The following XYLB variants were observed in gnomAD, a reference collection of about 807,000 sequenced individuals.
XYLB encodes xylulokinase.
A neutral mutation model predicts 78.7 loss-of-function variants in XYLB; 62 were observed. The ratio of observed to expected loss-of-function variants is 0.79; its 90% confidence interval spans 0.64 to 0.97. The LOEUF is 0.97. XYLB is among the 50% of genes least tolerant of loss of function. The pLI, the probability that XYLB is intolerant of heterozygous loss-of-function variation, is 0.00. For synonymous variants in XYLB, 245 were observed against 247.4 expected (o/e 0.99, Z 0.09); for missense variants, 687 against 676.8 (o/e 1.02, Z -0.17).
chr3:38,405,144 T>C (rs1708260660), intron 18 of XYLB, among the ~76,000 whole-genome samples: 1 of 152,224 alleles, frequency 6.6e-6, no homozygotes, highest in Non-Finnish European at 1.5e-5. Flanking sequence ...GCACATTGTA[T>C]ATATAATTTT....
At chr3:38,410,256 C>T (rs1708516369) in intron 18 of XYLB, among the ~76,000 whole-genome samples, 1 of 152,160 alleles carries the variant, frequency 6.6e-6, no homozygotes, top group African/African-American at 2.4e-5. Context: ...TGATCTTTGA[C>T]AAACCTGAGA....
chr3:38,366,739 C>T (rs960227677), intron 6 of XYLB, 69 bp from the exon 7 acceptor site: 124 of 1,115,620 alleles, frequency 1.1e-4, no homozygotes, highest in Non-Finnish European at 1.7e-4. Flanking sequence ...ACATTAAACT[C>T]ACTTTGTGGA....
At chr3:38,347,152 G>C (rs1402873864) in intron 1 of XYLB, among the ~76,000 whole-genome samples, 1 of 152,158 alleles carries the variant, frequency 6.6e-6, no homozygotes, top group African/African-American at 2.4e-5. Flanking sequence ...ATGCGGCCTC[G>C]ACCCCGCCTG....
chr3:38,352,733 C>T (rs111553657), intron 2 of XYLB, among the ~76,000 whole-genome samples: 4,832 of 152,040 alleles, frequency 0.032, 113 homozygotes, highest in African/African-American at 0.062. Context: ...CACTTGAGTC[C>T]AGAAGGTGGA....
intron 2 of XYLB, among the ~76,000 whole-genome samples, chr3:38,354,605 C>T (rs777401812): frequency 7.9e-5 from 12 of 151,774 alleles, no homozygotes; most frequent in African/African-American, 2.9e-4. Flanking sequence ...TGGGTTCAAG[C>T]AATTCTCCTG....
rs1482175019 is a variant in XYLB at position 38,414,819 on chromosome 3, A to G, written c.*1806A>G. On this transcript the variant is annotated 3_prime_UTR_variant, in exon 19 of 19. Coordinates refer to ENST00000207870, the MANE Select transcript of XYLB (RefSeq NM_005108.4). ...AAAGCAATATTAAAGGAAGAGCCAA[A>G]AAGACCCAGAAATAAAATGACAGAT... 1 of 152,208 alleles carries G rather than the reference A, an allele frequency of 6.6e-6. No homozygotes were observed. The highest frequency in any genetic ancestry group is 1.5e-5 in the Non-Finnish European group (1 of 68,050). 9.4% of individuals were successfully genotyped at this position (152,208 alleles called of 1,614,324 possible). A position where few individuals can be genotyped will look rare whatever the true frequency, so the allele number is the denominator to read the frequency against.
intron 15 of XYLB, 68 bp downstream of exon 15, chr3:38,379,410 G>A: frequency 6.8e-7 from 1 of 1,470,776 alleles, no homozygotes; most frequent in Non-Finnish European, 9.5e-7. Context: ...GCAGGGGCCA[G>A]GGCTAGTGGG....
chr3:38,426,219 T>C (rs573482889), downstream of XYLB, among the ~76,000 whole-genome samples: 1 of 152,318 alleles, frequency 6.6e-6, no homozygotes, highest in South Asian at 2.1e-4. Context: ...CCCAAACTAA[T>C]ATAGACCAGA....
At chr3:38,406,477 G>T (rs1020453591) in intron 18 of XYLB, among the ~76,000 whole-genome samples, 3 of 152,330 alleles carry the variant, frequency 2.0e-5, no homozygotes, top group Middle Eastern at 3.4e-3. Flanking sequence ...AAAGCAGAGC[G>T]CCTCTCCTCC....
rs984845940 is a variant in XYLB at position 38,403,730 on chromosome 3, G to A, written c.1533+2745G>A. Among the ~76,000 whole-genome samples the A allele has an allele frequency of 2.6e-5, 4 of 152,154 alleles. No individual in the cohort carries two copies. In the South Asian group the frequency reaches 6.2e-4, roughly 24 times the overall value. On this transcript the variant is annotated intron_variant, in intron 18 of 18. Coordinates refer to ENST00000207870, the MANE Select transcript of XYLB (RefSeq NM_005108.4). ...CTAGAAGGAGGCCAGCAAGGAGGAA[G>A]ATAACTGGGGAAAGTTTTAGGGCAG... is the stretch of plus-strand genomic sequence containing the variant.
At chr3:38,418,925 C>T (rs1043664637), downstream of XYLB, among the ~76,000 whole-genome samples, 2 of 152,088 alleles carry the variant, frequency 1.3e-5, no homozygotes, top group African/African-American at 4.8e-5. Context: ...TCATTGTGAA[C>T]ATATTAAGAT....
At chr3:38,374,620 A>T in intron 11 of XYLB, 118 bp downstream of exon 11, 2 of 1,305,334 alleles carry the variant, frequency 1.5e-6, no homozygotes, top group Non-Finnish European at 2.2e-6. Context: ...TCTGGGTCCC[A>T]GCAGGATCTC....
rs1708699643 is a variant in XYLB, at chr3:38,413,863, AGTT to A, written c.*853_*855del. On this transcript the variant is annotated 3_prime_UTR_variant, in exon 19 of 19. Coordinates refer to ENST00000207870, the MANE Select transcript of XYLB (RefSeq NM_005108.4). ...CTTCTTGCAGTCCACTTGCTGAAGA[AGTT>A]GTGTCATTTCTCTGGAAGAATTTCC... is the stretch of plus-strand genomic sequence containing the variant. 6.6e-6 allele frequency: 1 copy of A among 152,172 alleles called. No homozygotes were observed. The highest frequency in any genetic ancestry group is 6.5e-5 in the Admixed American group (1 of 15,282). 9.4% of individuals were successfully genotyped at this position (152,172 alleles called of 1,614,324 possible).
chr3:38,401,239 G>A (rs77974409), intron 18 of XYLB, among the ~76,000 whole-genome samples: 5,207 of 152,170 alleles, frequency 0.034, 130 homozygotes, highest in Non-Finnish European at 0.054. Flanking sequence ...GCCTCACGGT[G>A]GGCCCTTCCA....
chr3:38,419,578 T>TTC (rs1553666798), downstream of XYLB, among the ~76,000 whole-genome samples: 1 of 68,280 alleles, frequency 1.5e-5, no homozygotes, highest in African/African-American at 4.4e-5. Flanking sequence ...TTATTTTTCT[T>TTC]TATATATATA....
the XYLB span, among the ~76,000 whole-genome samples, chr3:38,437,005 AAATAATAATAATAAT>A: frequency 9.7e-4 from 131 of 134,794 alleles, no homozygotes; most frequent in Middle Eastern, 3.7e-3. Context: ...CTCCTTCTAA[AAATAATAATAATAAT>A]AATAATAATA....
At chr3:38,357,273 G>A (rs772713737) in intron 2 of XYLB, 1 of 152,162 alleles carries the variant, frequency 6.6e-6, no homozygotes, top group African/African-American at 2.4e-5. Context: ...TTGGAATTGC[G>A]GGGTCACATG....
intron 4 of XYLB, 47 bp downstream of exon 4, chr3:38,363,064 G>A (rs1158044535): frequency 7.1e-7 from 1 of 1,413,702 alleles, no homozygotes; most frequent in South Asian, 1.6e-5. Flanking sequence ...TGACTGTCCT[G>A]GGCAATGGTG....
At position 38,346,832 on chromosome 3, in the gene XYLB, G is replaced by T; in HGVS notation, c.-37G>T. On this transcript the variant is annotated 5_prime_UTR_variant, in exon 1 of 19. Transcript: ENST00000207870. ...CGACTATCACGCCGCGTGGCGGACG[G>T]ACGGACTGACGGACGCGCAGCCTTA... 2 of 1,481,780 alleles carry T rather than the reference G, an allele frequency of 1.3e-6. No homozygotes were observed. The highest frequency in any genetic ancestry group is 1.3e-5 in the South Asian group (1 of 77,296). The allele number at this position is 1,481,780 out of a possible 1,614,324, so 91.8% of individuals were successfully genotyped here. A position where few individuals can be genotyped will look rare whatever the true frequency, so the allele number is the denominator to read the frequency against.
Sources: allele counts gnomAD v4.1 joint callset (sites outside exome capture counted in the v4.1 genomes callset), GRCh38; gene constraint gnomAD v4.1.1; transcripts MANE v1.5; gene names NCBI Gene and HGNC (gene_info 2026-07-23, HGNC 2026-07-21).